ARHGEF10: variants seen among roughly 807,000 people sequenced by gnomAD.
ARHGEF10 encodes the protein Rho guanine nucleotide exchange factor 10.
ARHGEF10 carries 140 observed loss-of-function variants against 147.4 expected under a neutral mutation model. That is an observed-to-expected ratio of 0.95 (90% CI 0.83 to 1.09). The LOEUF (loss-of-function observed/expected upper bound fraction) is 1.09, where lower values mean the gene tolerates loss of function less well. Ranked by LOEUF, ARHGEF10 falls within the 50% of genes least tolerant of loss-of-function variation. The pLI, the probability that ARHGEF10 is intolerant of heterozygous loss-of-function variation, is 0.00. For synonymous variants in ARHGEF10, 902 were observed against 695.8 expected, an observed-to-expected ratio of 1.30 and a Z score of -4.67; for missense variants, 2,222 against 1,752.7, an observed-to-expected ratio of 1.27 and a Z score of -4.78.
intron 26 of ARHGEF10, among the ~76,000 whole-genome samples, chr8:1,934,499 C>T (rs1813414064): frequency 6.6e-6 from 1 of 152,084 alleles, no homozygotes; most frequent in Non-Finnish European, 1.5e-5. Flanking sequence ...AGAAACATTG[C>T]TTTAAGAAAT....
At chr8:1,824,303 G>T (rs1802602501) in intron 1 of ARHGEF10, among the ~76,000 whole-genome samples, 190 bp downstream of exon 1, 1 of 151,938 alleles carries the variant, frequency 6.6e-6, no homozygotes, top group African/African-American at 2.4e-5. Context: ...CCCTTCCGCG[G>T]CGCCCCCGGC....
At chr8:1,858,258 T>TG (rs1563187329) in intron 3 of ARHGEF10, 143 bp downstream of exon 3, 1 of 474,158 alleles carries the variant, frequency 2.1e-6, no homozygotes, top group Non-Finnish European at 3.3e-6. Context: ...GTGAGTCCCC[T>TG]GGGGGGTTCC....
Position 1,956,746 on chromosome 8 carries a change from C to T in ARHGEF10, c.3521-3C>T, listed in dbSNP as rs376368684. The stretch of plus-strand genomic sequence containing the variant: ...ACAGCTGTTGAACTGTTTCCCTTTT[C>T]AGGAAGAGGCATGGTCTCCTACCAT... On this transcript the variant is annotated splice_region_variant and splice_polypyrimidine_tract_variant and intron_variant, in intron 28 of 28. Transcript: ENST00000349830. 4.0e-5 allele frequency: 64 copies of T among 1,613,658 alleles called. No individual in the cohort carries two copies. The African/African-American group carries it at 7.6e-4, about 19-fold the overall frequency.
At chr8:1,956,497 T>C (rs985020682) in intron 28 of ARHGEF10, among the ~76,000 whole-genome samples, 1 of 152,320 alleles carries the variant, frequency 6.6e-6, no homozygotes, top group Middle Eastern at 3.4e-3. Flanking sequence ...AGAACTGAAA[T>C]AGTGCTGAGG....
At position 1,896,392 on chromosome 8, in the gene ARHGEF10, C is replaced by T. The variant is rs761904795; in HGVS notation, c.1500C>T (p.Ala500=). 3.1e-6 allele frequency: 5 copies of T among 1,613,776 alleles called. No homozygotes were observed. Among genetic ancestry groups the T allele is most frequent in the East Asian group, 4.5e-5 (2 of 44,880 alleles). The change falls in exon 14 of 29, where the codon GCC becomes GCT. Residue 500 remains alanine, a synonymous_variant. Transcript: ENST00000349830. ...YSEYVNNFST[A]VAVLKKTCAT... is the part of the protein sequence containing the mutation. ...AATATGTGAACAATTTCAGCACAGC[C>T]GTGGCAGTCCTCAAGAAAACATGTG... is the stretch of plus-strand genomic sequence containing the variant.
At chr8:1,904,829 T>TAA (rs34422180) in intron 16 of ARHGEF10, among the ~76,000 whole-genome samples, 2 of 151,954 alleles carry the variant, frequency 1.3e-5, no homozygotes, top group Admixed American at 6.6e-5. Flanking sequence ...GCTGAGTTGT[T>TAA]ATAAGTATTG....
intron 1 of ARHGEF10, among the ~76,000 whole-genome samples, chr8:1,840,047 C>T (rs1459387202): frequency 1.4e-4 from 15 of 107,442 alleles, no homozygotes; most frequent in African/African-American, 2.4e-4. Context: ...GGAAGCTGTC[C>T]GATATGGGGA....
intron 1 of ARHGEF10, among the ~76,000 whole-genome samples, chr8:1,836,745 T>G (rs1349166941): frequency 6.6e-6 from 1 of 152,262 alleles, no homozygotes; most frequent in Middle Eastern, 3.4e-3. Context: ...CACCCAAATC[T>G]CAACTTGAAT....
chr8:1,927,673 G>T (rs867496710), intron 23 of ARHGEF10, among the ~76,000 whole-genome samples: 14 of 152,200 alleles, frequency 9.2e-5, no homozygotes, highest in African/African-American at 3.4e-4. Flanking sequence ...CCAGCACTTT[G>T]GGAGGCCGAG....
intron 27 of ARHGEF10, among the ~76,000 whole-genome samples, chr8:1,949,700 T>C (rs1814874076): frequency 6.6e-6 from 1 of 151,864 alleles, no homozygotes; most frequent in Admixed American, 6.6e-5. Flanking sequence ...GTAACTTTTC[T>C]GAAGACCATG....
intron 26 of ARHGEF10, among the ~76,000 whole-genome samples, chr8:1,942,073 C>T (rs1366987090): frequency 6.6e-6 from 1 of 152,008 alleles, no homozygotes; most frequent in African/African-American, 2.4e-5. Context: ...TTTCTTAGAT[C>T]TGACACCTCA....
At chr8:1,925,193 A>G (rs1812589742) in intron 21 of ARHGEF10, 90 bp from the exon 22 acceptor site, 4 of 1,554,070 alleles carry the variant, frequency 2.6e-6, no homozygotes, top group Non-Finnish European at 3.5e-6. Context: ...AGAATGCCAG[A>G]AACTTCCCCT....
rs1441097921 is a variant in ARHGEF10 at position 1,843,429 on chromosome 8, T to C, written c.30T>C (p.Ala10=). The part of the protein sequence containing the change: MDQREPLPP[A]PAENEMKYDT... ...ACCAGCGAGAGCCCCTGCCTCCCGC[T>C]CCTGCAGGTAACAGCACTCAGTAGG... Residue 10 remains alanine (A), a synonymous_variant, in exon 2 of 29, where the codon GCT becomes GCC. Coordinates refer to ENST00000349830, the MANE Select transcript of ARHGEF10 (RefSeq NM_014629.4). 1.9e-6 allele frequency: 3 copies of C among 1,612,826 alleles called. No homozygotes were observed. Among genetic ancestry groups the C allele is most frequent in the Non-Finnish European group, 2.5e-6 (3 of 1,179,696 alleles).
chr8:1,928,360 G>T, intron 23 of ARHGEF10, 67 bp from the exon 24 acceptor site: 1 of 1,461,966 alleles, frequency 6.8e-7, no homozygotes, highest in Non-Finnish European at 9.6e-7. Flanking sequence ...TTAAGGGTCA[G>T]GTTCCAGCGT....
intron 28 of ARHGEF10, among the ~76,000 whole-genome samples, chr8:1,954,674 C>G (rs1050961381): frequency 2.0e-5 from 3 of 152,226 alleles, no homozygotes; most frequent in African/African-American, 7.2e-5. Flanking sequence ...TCAGCCCTCT[C>G]TGCTCACAAC....
intron 2 of ARHGEF10, among the ~76,000 whole-genome samples, chr8:1,857,702 G>A (rs1048489595): frequency 5.0e-5 from 6 of 120,378 alleles, no homozygotes; most frequent in Admixed American, 8.5e-5. Flanking sequence ...ACAGATGTGA[G>A]CTACCACCCC....
chr8:1,842,854 G>A (rs967196822), intron 1 of ARHGEF10, among the ~76,000 whole-genome samples: 2 of 152,324 alleles, frequency 1.3e-5, no homozygotes, highest in African/African-American at 2.4e-5. Flanking sequence ...GCCTCGCCCC[G>A]AGAGGTTAGC....
chr8:1,866,453 T>C, intron 5 of ARHGEF10, 73 bp from the exon 6 acceptor site: 2 of 1,232,862 alleles, frequency 1.6e-6, no homozygotes, highest in Admixed American at 1.7e-5. Context: ...ACACACACTC[T>C]GCAGGGCAGT....
At chr8:1,950,236 C>A (rs963964181) in intron 27 of ARHGEF10, among the ~76,000 whole-genome samples, 21 of 152,346 alleles carry the variant, frequency 1.4e-4, no homozygotes, top group Admixed American at 5.9e-4. Flanking sequence ...CTGGGACACG[C>A]CCTGCTGTCC....
Sources: gnomAD v4.1 joint callset for allele counts (sites outside exome capture counted in the v4.1 genomes callset) on GRCh38, gnomAD v4.1.1 for gene constraint, MANE v1.5 for transcripts, NCBI Gene and HGNC (gene_info 2026-07-23, HGNC 2026-07-21) for gene names.